CAMK4: variants seen among roughly 807,000 people sequenced by gnomAD.
CAMK4 encodes the protein calcium/calmodulin dependent protein kinase IV.
In CAMK4, 22 loss-of-function variants were observed where a neutral mutation model predicts 44.9. The observed-to-expected ratio is 0.49, with a 90% CI of 0.35 to 0.70. CAMK4 has a LOEUF of 0.70. CAMK4 is among the 30% of genes least tolerant of loss of function. CAMK4 has a pLI of 0.01. For missense variants in CAMK4, 498 were observed against 586.8 expected (o/e 0.85, Z 1.56); for synonymous variants, 218 against 215.4 (o/e 1.01, Z -0.11).
chr5:111,398,221 G>A (rs1488037958), intron 5 of CAMK4, among the ~76,000 whole-genome samples: 1 of 152,178 alleles, frequency 6.6e-6, no homozygotes, highest in Non-Finnish European at 1.5e-5. Flanking sequence ...GACTCAAAAT[G>A]AACACAAATA....
At chr5:111,348,841 G>C (rs768484850) in intron 2 of CAMK4, among the ~76,000 whole-genome samples, 1 of 151,930 alleles carries the variant, frequency 6.6e-6, no homozygotes, top group Non-Finnish European at 1.5e-5. Context: ...ATTTCTTCTG[G>C]CTATTCAGAA....
chr5:111,323,770 A>G (rs1296730046), intron 1 of CAMK4, among the ~76,000 whole-genome samples: 1 of 152,114 alleles, frequency 6.6e-6, no homozygotes, highest in Non-Finnish European at 1.5e-5. Flanking sequence ...AAACTTTTTA[A>G]TTTGAAGGAA....
At chr5:111,337,105 C>G (rs1020355838) in intron 1 of CAMK4, among the ~76,000 whole-genome samples, 15 of 151,158 alleles carry the variant, frequency 9.9e-5, no homozygotes, top group Non-Finnish European at 1.9e-4. Context: ...TTCCCCTATA[C>G]TACTTTGTAG....
At chr5:111,237,239 C>A (rs1748770715) in intron 1 of CAMK4, among the ~76,000 whole-genome samples, 1 of 152,216 alleles carries the variant, frequency 6.6e-6, no homozygotes, top group Non-Finnish European at 1.5e-5. Context: ...GGTCTTTTGT[C>A]AGTCATCTCT....
intron 5 of CAMK4, among the ~76,000 whole-genome samples, chr5:111,442,412 G>A (rs765460314): frequency 6.6e-6 from 1 of 152,010 alleles, no homozygotes. Context: ...CAGAAGAATC[G>A]CTTGAACCAG....
chr5:111,252,053 G>A (rs1749524619), intron 1 of CAMK4, among the ~76,000 whole-genome samples: 1 of 152,182 alleles, frequency 6.6e-6, no homozygotes, highest in Non-Finnish European at 1.5e-5. Context: ...ATAACAGAAA[G>A]CATCTGGGCT....
chr5:111,260,876 T>A (rs1580495004), intron 1 of CAMK4, among the ~76,000 whole-genome samples: 1 of 152,340 alleles, frequency 6.6e-6, no homozygotes, highest in East Asian at 1.9e-4. Flanking sequence ...TTTCATCTCC[T>A]TAACATTCAT....
At chr5:111,442,794 ATAT>A (rs1401772390) in intron 5 of CAMK4, among the ~76,000 whole-genome samples, 2 of 148,324 alleles carry the variant, frequency 1.3e-5, no homozygotes, top group South Asian at 2.1e-4. Context: ...TATTAACATA[ATAT>A]TAATATATTT....
chr5:111,259,272 C>T (rs780385652), intron 1 of CAMK4, among the ~76,000 whole-genome samples: 10 of 152,078 alleles, frequency 6.6e-5, no homozygotes, highest in Non-Finnish European at 1.0e-4. Flanking sequence ...TAATATTTAA[C>T]TACTGACAAC....
At chr5:111,267,631 A>G (rs868512845) in intron 1 of CAMK4, among the ~76,000 whole-genome samples, 69 of 147,712 alleles carry the variant, frequency 4.7e-4, no homozygotes, top group Admixed American at 1.5e-3. Context: ...GTGAACCCGG[A>G]AGGCGGAGCT....
At chr5:111,261,131 G>T (rs1749955688) in intron 1 of CAMK4, among the ~76,000 whole-genome samples, 1 of 152,122 alleles carries the variant, frequency 6.6e-6, no homozygotes, top group Non-Finnish European at 1.5e-5. Context: ...GACACAATTT[G>T]GATGTCATAC....
intron 5 of CAMK4, among the ~76,000 whole-genome samples, chr5:111,442,517 CAT>C (rs58032491): frequency 0.45 from 64,372 of 141,676 alleles, 15,635 homozygotes; most frequent in East Asian, 0.64. Context: ...AAAACCAAAA[CAT>C]ATATATATAT....
At chr5:111,402,425 G>A (rs765923710) in intron 5 of CAMK4, among the ~76,000 whole-genome samples, 6 of 152,176 alleles carry the variant, frequency 3.9e-5, no homozygotes, top group Non-Finnish European at 5.9e-5. Flanking sequence ...CAGTGAAATC[G>A]AAATAAGAGA....
At chr5:111,317,170 T>A (rs1748461000) in intron 1 of CAMK4, among the ~76,000 whole-genome samples, 1 of 152,072 alleles carries the variant, frequency 6.6e-6, no homozygotes, top group Non-Finnish European at 1.5e-5. Flanking sequence ...AAGAAACAAG[T>A]GCTAGGAGAC....
intron 1 of CAMK4, among the ~76,000 whole-genome samples, chr5:111,296,563 A>G (rs760026559): frequency 3.9e-5 from 6 of 152,248 alleles, no homozygotes; most frequent in Non-Finnish European, 5.9e-5. Flanking sequence ...TCAAATAAGT[A>G]TGTTCTACCA....
intron 2 of CAMK4, among the ~76,000 whole-genome samples, chr5:111,367,662 C>T (rs1383908676): frequency 6.6e-6 from 1 of 152,128 alleles, no homozygotes; most frequent in Non-Finnish European, 1.5e-5. Flanking sequence ...TGAGATAGGA[C>T]ATCTCCTGTG....
chr5:111,281,291 A>G (rs534443238), intron 1 of CAMK4, among the ~76,000 whole-genome samples: 1 of 152,184 alleles, frequency 6.6e-6, no homozygotes, highest in Non-Finnish European at 1.5e-5. Context: ...CTGCTACTGT[A>G]GTTCTGCCAG....
At chr5:111,442,790 CAT>C (rs1456984673) in intron 5 of CAMK4, among the ~76,000 whole-genome samples, 3 of 147,980 alleles carry the variant, frequency 2.0e-5, no homozygotes, top group African/African-American at 7.4e-5. Context: ...ATCTTATTAA[CAT>C]AATATTAATA....
intron 1 of CAMK4, among the ~76,000 whole-genome samples, chr5:111,342,011 G>A (rs1027887370): frequency 2.0e-5 from 3 of 151,358 alleles, no homozygotes; most frequent in East Asian, 1.9e-4. Flanking sequence ...CTTCAACACC[G>A]CTCTCTCGAT....
Sources: gnomAD v4.1 joint callset for allele counts (sites outside exome capture counted in the v4.1 genomes callset) on GRCh38, gnomAD v4.1.1 for gene constraint, MANE v1.5 for transcripts, NCBI Gene and HGNC (gene_info 2026-07-23, HGNC 2026-07-21) for gene names.